The following BCL3 variants were observed in gnomAD, a reference collection of about 807,000 sequenced individuals.
The protein encoded by BCL3 is B-cell lymphoma 3 protein.
In BCL3, 15 loss-of-function variants were observed where a neutral mutation model predicts 35.7. The ratio of observed to expected loss-of-function variants is 0.42; its 90% CI spans 0.28 to 0.65. The LOEUF (loss-of-function observed/expected upper bound fraction) is 0.65. Ranked by LOEUF, BCL3 falls within the 30% of genes least tolerant of loss-of-function variation. The probability of loss-of-function intolerance (pLI) is 0.22; values close to 1 mark genes in which losing one functional copy is unlikely to be tolerated. For synonymous variants in BCL3, 311 were observed against 284.3 expected (o/e 1.09, Z -0.95); for missense variants, 565 against 641.7 (o/e 0.88, Z 1.29).
chr19:44,749,121 C>T, intron 1 of BCL3, 75 bp downstream of exon 1: 1 of 778,472 alleles, frequency 1.3e-6, no homozygotes, highest in Non-Finnish European at 1.7e-6. Context: ...GGAGGCAGAG[C>T]TTGAGGCACA....
intron 7 of BCL3, 148 bp from the exon 8 acceptor site, chr19:44,758,576 G>A (rs1201964972): frequency 1.6e-6 from 2 of 1,263,688 alleles, no homozygotes; most frequent in Non-Finnish European, 2.2e-6. Flanking sequence ...GAAATGAGGA[G>A]AGACTGGCAC....
intron 2 of BCL3, among the ~76,000 whole-genome samples, chr19:44,754,213 C>T (rs1967237327): frequency 1.3e-5 from 2 of 152,088 alleles, no homozygotes; most frequent in Non-Finnish European, 2.9e-5. Flanking sequence ...ATTTCTGGCT[C>T]CCAAGAGATG....
chr19:44,755,832 C>T (rs992817979), intron 2 of BCL3, among the ~76,000 whole-genome samples: 12 of 152,224 alleles, frequency 7.9e-5, no homozygotes, highest in African/African-American at 2.2e-4. Flanking sequence ...GTTGGATGAT[C>T]GCTTGAACCT....
intron 2 of BCL3, among the ~76,000 whole-genome samples, chr19:44,752,209 T>G (rs947472087): frequency 6.6e-6 from 1 of 151,560 alleles, no homozygotes; most frequent in Non-Finnish European, 1.5e-5. Flanking sequence ...TTTTTCTTTT[T>G]TTTTTTTCTG....
At chr19:44,758,044 C>T (rs1436263587) in intron 6 of BCL3, among the ~76,000 whole-genome samples, 1 of 152,206 alleles carries the variant, frequency 6.6e-6, no homozygotes, top group Non-Finnish European at 1.5e-5. Flanking sequence ...GGGGCGCGGG[C>T]CTCGGTGTCC....
intron 2 of BCL3, among the ~76,000 whole-genome samples, chr19:44,751,617 T>A (rs539289773): frequency 1.3e-5 from 2 of 152,314 alleles, no homozygotes; most frequent in Non-Finnish European, 2.9e-5. Context: ...TTTTTGTTTT[T>A]TTGAGACAGG....
At chr19:44,749,293 G>T (rs1299057352) in intron 1 of BCL3, among the ~76,000 whole-genome samples, 1 of 150,320 alleles carries the variant, frequency 6.7e-6, no homozygotes, top group Admixed American at 6.6e-5. Context: ...GTGGGGGGGG[G>T]GGGGCCAGGG....
intron 2 of BCL3, among the ~76,000 whole-genome samples, chr19:44,752,715 A>G (rs529840351): frequency 6.6e-6 from 1 of 152,310 alleles, no homozygotes; most frequent in Non-Finnish European, 1.5e-5. Context: ...ACTCACTGCA[A>G]TTGATCATCA....
intron 2 of BCL3, among the ~76,000 whole-genome samples, chr19:44,752,841 T>A (rs145220066): frequency 2.6e-5 from 4 of 152,330 alleles, no homozygotes; most frequent in African/African-American, 9.6e-5. Flanking sequence ...TGAGGGTCTC[T>A]GGGAGGAAGA....
At chr19:44,755,396 G>T (rs1348953524) in intron 2 of BCL3, 1 of 152,266 alleles carries the variant, frequency 6.6e-6, no homozygotes, top group Non-Finnish European at 1.5e-5. Context: ...ATTAACCAGT[G>T]ACTGGATGCC....
intron 2 of BCL3, among the ~76,000 whole-genome samples, chr19:44,754,337 CT>C (rs1568544381): frequency 6.6e-6 from 1 of 151,970 alleles, no homozygotes; most frequent in African/African-American, 2.4e-5. Context: ...TGCGCCCCCC[CT>C]ACACACACAC....
At chr19:44,748,073 C>A, upstream of BCL3, 1 of 1,343,022 alleles carries the variant, frequency 7.4e-7, no homozygotes, top group South Asian at 1.2e-5. Context: ...TCTTCACTCC[C>A]ACTAAGGAGG....
In BCL3 at chr19:44,748,905, G is replaced by A; in HGVS notation, c.115G>A (p.Ala39Thr). The change falls in exon 1 of 9, where the codon GCG becomes ACG. Residue 39 changes from alanine (A) to threonine (T), a missense_variant. By Grantham distance (58) the Ala-to-Thr change is moderately conservative. This residue lies in a region of BCL3 where 267 missense variants were observed against 281.5 expected (regional missense o/e 0.95). Transcript: ENST00000164227. ...ALPLRKRPLR[A>T]PSPEPAAPRG... ...GCCGCTCCGCAAGCGCCCGCTGCGC[G>A]CGCCCTCCCCGGAGCCCGCCGCTCC... The A allele has an allele frequency of 8.7e-7, 1 of 1,142,996 alleles. No homozygotes were observed. 70.8% of individuals were successfully genotyped at this position (1,142,996 alleles called of 1,614,324 possible). A position where few individuals can be genotyped will look rare whatever the true frequency, so the allele number is the denominator to read the frequency against.
Position 44,757,441 on chromosome 19 carries a change from G to T in BCL3, c.813+26G>T. The T allele has an allele frequency of 6.4e-7, 1 of 1,568,686 alleles. No homozygotes were observed. Among genetic ancestry groups the T allele is most frequent in the Non-Finnish European group, 8.6e-7 (1 of 1,156,858 alleles). On this transcript the variant is annotated intron_variant, in intron 5 of 8. Transcript: ENST00000164227. This position sits in a 1 kb window ranked among gnomAD's most constrained non-coding sequence, Gnocchi z 8.4. ...GTGAGCGTGCACTAGGAGCTGGGAG[G>T]GAGCGGGGCCTTAGCAGGGGCGGGG...
At chr19:44,749,562 AGACATG>A (rs2122274670) in intron 1 of BCL3, among the ~76,000 whole-genome samples, 1 of 152,226 alleles carries the variant, frequency 6.6e-6, no homozygotes, top group Non-Finnish European at 1.5e-5. Flanking sequence ...AGATATCTGG[AGACATG>A]GGCATTATGA....
chr19:44,748,111 G>T (rs1480657150), upstream of BCL3: 4 of 1,322,242 alleles, frequency 3.0e-6, no homozygotes, highest in Non-Finnish European at 4.0e-6. Context: ...GAAGTGTTTG[G>T]CCAAGGTCAC....
At chr19:44,747,763 C>T (rs959689259), upstream of BCL3, 2 of 1,036,822 alleles carry the variant, frequency 1.9e-6, no homozygotes, top group East Asian at 5.0e-5. Flanking sequence ...GCCTGGTGTC[C>T]GTGTCTCTTG....
Position 44,756,956 on chromosome 19 carries a change from G to A in BCL3, c.520-61G>A, listed in dbSNP as rs1032530248. The A allele has an allele frequency of 5.5e-6, 8 of 1,462,132 alleles. No homozygotes were observed. In the African/African-American group the frequency reaches 1.1e-4, roughly 21 times the overall value. 90.6% of individuals were successfully genotyped at this position (1,462,132 alleles called of 1,614,324 possible). ...TGAGGAATAAGGGTTCAGAAAACCT[G>A]GGGGAGGCAGGACTAGAGAGCAGGG... On this transcript the variant is annotated intron_variant, in intron 3 of 8. Coordinates refer to ENST00000164227, the MANE Select transcript of BCL3 (RefSeq NM_005178.5).
In BCL3 at chr19:44,759,003, GGCCCCTCCTCCCTCAGACCCCA is replaced by G. The variant is rs1392710247; in HGVS notation, c.1177+174_1177+195del. 1.5e-3 allele frequency among the ~76,000 whole-genome samples: 142 copies of G among 95,872 alleles called. 2 individuals carry two copies. In the East Asian group the frequency reaches 0.037, roughly 25 times the overall value. The allele number at this position is 95,872 out of a possible 152,430, so 62.9% of individuals were successfully genotyped here. ...ATAGCCCCTCCTCCCTCAGACCCCT[GGCCCCTCCTCCCTCAGACCCCA>G]GCCCCTCCTCCTTCAGACCCCCCAG... On this transcript the variant is annotated intron_variant, in intron 8 of 8. Coordinates refer to ENST00000164227, the MANE Select transcript of BCL3 (RefSeq NM_005178.5).
Sources: allele counts gnomAD v4.1 joint callset (sites outside exome capture counted in the v4.1 genomes callset), GRCh38; gene constraint gnomAD v4.1.1; regional missense constraint gnomAD v4.1.1; non-coding constraint Gnocchi (gnomAD v3.1); transcripts MANE v1.5; gene names NCBI Gene and HGNC (gene_info 2026-07-23, HGNC 2026-07-21).